The following SPATC1 variants were observed in gnomAD, a reference collection of about 807,000 sequenced individuals.
SPATC1 encodes speriolin.
SPATC1 carries 35 observed loss-of-function variants against 36.5 expected under a neutral mutation model. That is an observed-to-expected ratio of 0.96 (90% CI 0.73 to 1.27). SPATC1 has a LOEUF of 1.27. Ranked by LOEUF, SPATC1 falls within the 50% of genes most tolerant of loss-of-function variation. The pLI is 0.00. For missense variants in SPATC1, 779 were observed against 796.0 expected (o/e 0.98, Z 0.26); for synonymous variants, 361 against 353.6 (o/e 1.02, Z -0.24).
At chr8:144,044,761 A>G (rs1835214131) in intron 4 of SPATC1, among the ~76,000 whole-genome samples, 1 of 151,856 alleles carries the variant, frequency 6.6e-6, no homozygotes, top group South Asian at 2.1e-4. Flanking sequence ...AGCCTGGCCA[A>G]TGTGATGAAA....
chr8:144,023,314 TGAGGAACC>T (rs1587497328), intron 1 of SPATC1, among the ~76,000 whole-genome samples: 9 of 106,716 alleles, frequency 8.4e-5, no homozygotes, highest in Non-Finnish European at 7.9e-5. Context: ...ACCCTCCCCC[TGAGGAACC>T]TCTCCCCTCA....
chr8:144,029,206 A>AAAT (rs1225499588), intron 1 of SPATC1, among the ~76,000 whole-genome samples: 32 of 146,088 alleles, frequency 2.2e-4, no homozygotes, highest in African/African-American at 7.8e-4. Context: ...CAGAACTAAA[A>AAAT]AAAAAAAAAA....
Position 144,046,929 on chromosome 8 carries a change from T to A in SPATC1, c.1749T>A (p.Asp583Glu), listed in dbSNP as rs1554756924. ...LLSCLSQLAH[D>E]DGKPMFIW Reference sequence around the variant, plus strand: ...CCTGCCTCAGCCAGCTGGCGCACGATGACGGCAAGCCCATGTTCATCTGGT... The same window carrying A: ...CCTGCCTCAGCCAGCTGGCGCACGAAGACGGCAAGCCCATGTTCATCTGGT... The change falls in exon 5 of 5, where the codon GAT becomes GAA. Residue 583 changes from aspartate (D) to glutamate (E), a missense_variant. By Grantham distance (45) the Asp-to-Glu change is conservative. Transcript: ENST00000377470. This position sits in a 1 kb window ranked among gnomAD's most constrained non-coding sequence, Gnocchi z 6.6. 6.3e-7 allele frequency: 1 copy of A among 1,598,232 alleles called. No homozygotes were observed. Among genetic ancestry groups the A allele is most frequent in the African/African-American group, 1.3e-5 (1 of 75,056 alleles).
At chr8:144,041,708 G>A (rs1554756119) in intron 4 of SPATC1, among the ~76,000 whole-genome samples, 1 of 152,192 alleles carries the variant, frequency 6.6e-6, no homozygotes, top group East Asian at 1.9e-4. Flanking sequence ...GCAGGCTGTA[G>A]AAGGCACGGG....
At chr8:144,021,446 C>T (rs1265961655) in intron 1 of SPATC1, among the ~76,000 whole-genome samples, 1 of 131,382 alleles carries the variant, frequency 7.6e-6, no homozygotes, top group African/African-American at 2.8e-5. Context: ...CCCCTCAAGA[C>T]TGCCTTCTCT....
rs1343018937 is a variant in SPATC1 at position 144,016,566 on chromosome 8, G to C, written c.211+3840G>C. On this transcript the variant is annotated intron_variant, in intron 1 of 4. Transcript: ENST00000377470. This position sits in a 1 kb window ranked among gnomAD's most constrained non-coding sequence, Gnocchi z 4.5. ...TGCGGATGACATGCTGAGGGGCTTG[G>C]ACTTGCTCCTGAAGGCGCTAAGAAG... Among the ~76,000 whole-genome samples, 3 of 152,102 alleles carry C rather than the reference G, an allele frequency of 2.0e-5. No homozygotes were observed. Among genetic ancestry groups the C allele is most frequent in the African/African-American group, 7.2e-5 (3 of 41,416 alleles).
rs1165801794 is a variant in SPATC1 at position 144,029,202 on chromosome 8, T to TAAAAAAAA, written c.212-10684_212-10677dup. Among the ~76,000 whole-genome samples the TAAAAAAAA allele has an allele frequency of 1.1e-3, 32 of 28,158 alleles. 5 individuals are homozygous for TAAAAAAAA. Among genetic ancestry groups the TAAAAAAAA allele is most frequent in the African/African-American group, 3.1e-3 (27 of 8,838 alleles). The allele number at this position is 28,158 out of a possible 152,430, so 18.5% of individuals were successfully genotyped here. ...ACATCCTACACATGTACCCCAGAAC[T>TAAAAAAAA]AAAAAAAAAAAAAAAAAAAAAAAAA... On this transcript the variant is annotated intron_variant, in intron 1 of 4. Coordinates refer to ENST00000377470, the MANE Select transcript of SPATC1 (RefSeq NM_198572.3).
At chr8:144,021,640 TC>T (rs1834538553) in intron 1 of SPATC1, among the ~76,000 whole-genome samples, 2 of 92,020 alleles carry the variant, frequency 2.2e-5, no homozygotes, top group Admixed American at 1.1e-4. Flanking sequence ...CCCAGGACCT[TC>T]CCCCTCAAGA....
chr8:144,012,735 C>A lies in SPATC1; in HGVS notation c.211+9C>A, dbSNP rs1554752643. 2 of 1,551,400 alleles carry A rather than the reference C, an allele frequency of 1.3e-6. No individual in the cohort carries two copies. Among genetic ancestry groups the A allele is most frequent in the Non-Finnish European group, 1.7e-6 (2 of 1,146,858 alleles). Reference sequence around the variant, plus strand: ...CTCACGCCAGAACAATGGTAAGAGGCCTCGCTCCCAAGAGAGTGAGGAGGG... The same window carrying A: ...CTCACGCCAGAACAATGGTAAGAGGACTCGCTCCCAAGAGAGTGAGGAGGG... On this transcript the variant is annotated intron_variant, in intron 1 of 4. Coordinates refer to ENST00000377470, the MANE Select transcript of SPATC1 (RefSeq NM_198572.3).
chr8:144,015,516 C>T (rs1266739075), intron 1 of SPATC1, among the ~76,000 whole-genome samples: 82 of 141,742 alleles, frequency 5.8e-4, no homozygotes, highest in Non-Finnish European at 2.3e-4. Context: ...CTAAGGTGGG[C>T]GGATCACCTG....
chr8:144,029,920 C>G (rs1260631873), intron 1 of SPATC1, among the ~76,000 whole-genome samples: 2 of 152,144 alleles, frequency 1.3e-5, no homozygotes, highest in African/African-American at 4.8e-5. Context: ...TATTGTAGAA[C>G]GGTCTATTTC....
intron 1 of SPATC1, among the ~76,000 whole-genome samples, chr8:144,035,605 A>C (rs1834882691): frequency 6.6e-6 from 1 of 152,232 alleles, no homozygotes; most frequent in Admixed American, 6.5e-5. Context: ...AACTTGGTCG[A>C]AAAACAGACC....
rs1835062808 is a variant in SPATC1 at position 144,040,774 on chromosome 8, T to TCCCCCCC, written c.978_979insCCCCCCC (p.Thr327ProfsTer46). 4.7e-5 allele frequency: 64 copies of TCCCCCCC among 1,352,828 alleles called. No individual in the cohort carries two copies. The highest frequency in any genetic ancestry group is 2.3e-4 in the South Asian group (15 of 64,044). 83.8% of individuals were successfully genotyped at this position (1,352,828 alleles called of 1,614,324 possible). The stretch of plus-strand genomic sequence containing the variant: ...AGTGGTCCCTGCATCTGTCCCCACC[T>TCCCCCCC]CCCCCACCACCTCCCCCACGGTCAC... On this transcript the variant is annotated frameshift_variant, in exon 3 of 5. Transcript: ENST00000377470. LOFTEE classifies it high-confidence loss of function.
chr8:144,041,499 G>T, intron 4 of SPATC1, 128 bp downstream of exon 4: 1 of 1,227,326 alleles, frequency 8.1e-7, no homozygotes, highest in Non-Finnish European at 1.1e-6. Flanking sequence ...GAAGCTGACT[G>T]CTCAGTGCCA....
Position 144,023,798 on chromosome 8 carries a change from C to G in SPATC1, c.211+11072C>G, listed in dbSNP as rs1587498303. Among the ~76,000 whole-genome samples, 40 of 68,680 alleles carry G rather than the reference C, an allele frequency of 5.8e-4. 20 individuals carry two copies. Among genetic ancestry groups the G allele is most frequent in the South Asian group, 3.3e-3 (6 of 1,798 alleles). The allele number at this position is 68,680 out of a possible 152,430, so 45.1% of individuals were successfully genotyped here. A position where few individuals can be genotyped will look rare whatever the true frequency, so the allele number is the denominator to read the frequency against. On this transcript the variant is annotated intron_variant, in intron 1 of 4. Transcript: ENST00000377470. ...AAGGTCCCTCTTCCCTCAGAACCCT[C>G]TAGAACCCTGTCCCTGTCCCCTCAG...
At chr8:144,013,141 G>C (rs1249692654) in intron 1 of SPATC1, among the ~76,000 whole-genome samples, 1 of 152,052 alleles carries the variant, frequency 6.6e-6, no homozygotes, top group Admixed American at 6.5e-5. Context: ...CTCTAGAACG[G>C]TCACAAGTGC....
At chr8:144,036,508 G>A (rs962132531) in intron 1 of SPATC1, among the ~76,000 whole-genome samples, 1 of 152,114 alleles carries the variant, frequency 6.6e-6, no homozygotes, top group Non-Finnish European at 1.5e-5. Flanking sequence ...ATTTTTTGTA[G>A]AGACGGAGTT....
chr8:144,046,530 C>T lies in SPATC1; in HGVS notation c.1447-97C>T. ...CCACCGCACACCCCTCGGATCCTGG[C>T]CATCTCACAGCCTCACCTGCCCCTC... On this transcript the variant is annotated intron_variant, in intron 4 of 4. Transcript: ENST00000377470. This position sits in a 1 kb window ranked among gnomAD's most constrained non-coding sequence, Gnocchi z 6.6. The T allele has an allele frequency of 8.6e-7, 1 of 1,160,430 alleles. No homozygotes were observed. 71.9% of individuals were successfully genotyped at this position (1,160,430 alleles called of 1,614,324 possible). A position where few individuals can be genotyped will look rare whatever the true frequency, so the allele number is the denominator to read the frequency against.
At chr8:144,015,751 AAAAAAAGAAAAG>A (rs1470138192) in intron 1 of SPATC1, among the ~76,000 whole-genome samples, 1 of 148,764 alleles carries the variant, frequency 6.7e-6, no homozygotes, top group Non-Finnish European at 1.5e-5. Context: ...AAAAAAAAAA[AAAAAAAGAAAAG>A]AAAAAAGAAA....
Sources: gnomAD v4.1 joint callset for allele counts (sites outside exome capture counted in the v4.1 genomes callset) on GRCh38, gnomAD v4.1.1 for gene constraint, Gnocchi (gnomAD v3.1) non-coding constraint, MANE v1.5 for transcripts, NCBI Gene and HGNC (gene_info 2026-07-23, HGNC 2026-07-21) for gene names.